CSMD1: variants seen among roughly 807,000 people sequenced by gnomAD.
The protein encoded by CSMD1 is CUB and sushi domain-containing protein 1.
Under a neutral mutation model 417.5 loss-of-function variants are expected in CSMD1, and 213 were observed. The ratio of observed to expected loss-of-function variants is 0.51; its 90% CI spans 0.46 to 0.57. The LOEUF (loss-of-function observed/expected upper bound fraction) is 0.57, where lower values mean the gene tolerates loss of function less well. CSMD1 is among the 20% of genes least tolerant of loss of function. CSMD1 has a pLI of 0.00. For synonymous variants in CSMD1, 2,862 were observed against 1,736.8 expected (o/e 1.65, Z -16.11); for missense variants, 6,923 against 4,529.7 (o/e 1.53, Z -15.17).
rs10096790 is a variant in CSMD1, at chr8:3,743,221, T to G, written c.931+10709A>C. Among the ~76,000 whole-genome samples the G allele has an allele frequency of 2.6e-5, 4 of 152,008 alleles. No homozygotes were observed. The East Asian group carries it at 7.7e-4, about 29-fold the overall frequency. ...GAATGCAGAGTGTTCTGCCCTTTTTTTGTGGTTTTATTTTGCTCAGGCATT... is the reference window on the plus strand; with the variant it reads ...GAATGCAGAGTGTTCTGCCCTTTTTGTGTGGTTTTATTTTGCTCAGGCATT... On this transcript the variant is annotated intron_variant, in intron 6 of 69. Coordinates refer to ENST00000635120, the MANE Select transcript of CSMD1 (RefSeq NM_033225.6).
Position 3,157,953 on chromosome 8 carries a change from A to T in CSMD1, c.5858T>A (p.Ile1953Asn). ...PGYTLQGRSH[I>N]SCMPGTVRRW... ...GCGAACGGTCCCTGGCATACAGGAA[A>T]TGTGGGAACGGCCCTGTTTAAAAGA... Residue 1953 changes from isoleucine to asparagine, a missense_variant, in exon 39 of 70, where the codon ATT becomes AAT. Physicochemically the swap from Ile to Asn is moderately radical, Grantham distance 149 (BLOSUM62 -3). Transcript: ENST00000635120. 6.4e-7 allele frequency: 1 copy of T among 1,554,238 alleles called. No individual in the cohort carries two copies. Among genetic ancestry groups the T allele is most frequent in the Non-Finnish European group, 8.7e-7 (1 of 1,148,374 alleles).
intron 26 of CSMD1, among the ~76,000 whole-genome samples, chr8:3,270,924 ATTTTTT>A (rs1563208713): frequency 5.9e-5 from 7 of 119,196 alleles, no homozygotes; most frequent in Admixed American, 4.3e-4. Flanking sequence ...TTTTTTTTTA[ATTTTTT>A]ATTTATTATT....
chr8:3,613,630 A>C (rs1183755032), intron 8 of CSMD1, among the ~76,000 whole-genome samples: 1 of 152,096 alleles, frequency 6.6e-6, no homozygotes, highest in Non-Finnish European at 1.5e-5. Flanking sequence ...TTCACAAAAT[A>C]TACAAACAAA....
In CSMD1 at chr8:3,854,750, A is replaced by C. The variant is rs1804177186; in HGVS notation, c.819-100708T>G. On this transcript the variant is annotated intron_variant, in intron 5 of 69. Coordinates refer to ENST00000635120, the MANE Select transcript of CSMD1 (RefSeq NM_033225.6). ...TAAGAGAAACTCCAGAGGGGGTAAA[A>C]AAGAAAAAAAAAAGATCGATTAAGA... Among the ~76,000 whole-genome samples, 6 of 126,580 alleles carry C rather than the reference A, an allele frequency of 4.7e-5. No individual in the cohort carries two copies. The South Asian group carries it at 1.5e-3, about 31-fold the overall frequency. 83.0% of individuals were successfully genotyped at this position (126,580 alleles called of 152,430 possible). A position where few individuals can be genotyped will look rare whatever the true frequency, so the allele number is the denominator to read the frequency against.
chr8:3,344,581 A>G (rs1286648997), intron 22 of CSMD1, among the ~76,000 whole-genome samples: 1 of 152,202 alleles, frequency 6.6e-6, no homozygotes, highest in Non-Finnish European at 1.5e-5. Context: ...AAAAATAAAC[A>G]TTTATTACAC....
Position 3,349,957 on chromosome 8 carries a change from T to C in CSMD1, c.3305-1796A>G, listed in dbSNP as rs187498259. On this transcript the variant is annotated intron_variant, in intron 21 of 69. Transcript: ENST00000635120. ...ATAATATATATTATATGTGTATGTG[T>C]GTTATAATACCTATAATACCTATAA... Among the ~76,000 whole-genome samples the C allele has an allele frequency of 1.6e-3, 228 of 146,256 alleles. 1 individual carries two copies. In the South Asian group the frequency reaches 0.029, roughly 19 times the overall value.
intron 3 of CSMD1, among the ~76,000 whole-genome samples, chr8:4,305,352 C>A (rs573256226): frequency 1.3e-5 from 2 of 152,198 alleles, no homozygotes; most frequent in Admixed American, 6.5e-5. Flanking sequence ...GAGACCCGAA[C>A]TGGAATCTAA....
intron 9 of CSMD1, among the ~76,000 whole-genome samples, chr8:3,577,112 T>C (rs1029226438): frequency 5.9e-5 from 9 of 152,176 alleles, no homozygotes; most frequent in African/African-American, 1.9e-4. Context: ...GCCCAGATGT[T>C]CCCAGCCGGA....
At chr8:3,319,974 C>G (rs969358694) in intron 23 of CSMD1, among the ~76,000 whole-genome samples, 7 of 152,118 alleles carry the variant, frequency 4.6e-5, no homozygotes, top group Admixed American at 3.9e-4. Flanking sequence ...AGACTTAAGT[C>G]TCTACCAGTG....
intron 2 of CSMD1, among the ~76,000 whole-genome samples, chr8:4,425,280 G>T (rs1159100557): frequency 2.0e-5 from 3 of 151,404 alleles, no homozygotes; most frequent in African/African-American, 7.3e-5. Flanking sequence ...CTGTTCAGAG[G>T]TTTGGGGTAA....
intron 50 of CSMD1, among the ~76,000 whole-genome samples, chr8:3,033,518 G>A (rs888453835): frequency 2.0e-5 from 3 of 151,948 alleles, no homozygotes; most frequent in South Asian, 2.1e-4. Context: ...CAAACACCGC[G>A]TGTTCTCATT....
At chr8:3,597,880 A>T (rs1801169208) in intron 8 of CSMD1, among the ~76,000 whole-genome samples, 1 of 152,208 alleles carries the variant, frequency 6.6e-6, no homozygotes, top group East Asian at 1.9e-4. Flanking sequence ...AGAAATACCT[A>T]ATGTAAATGA....
At chr8:4,275,172 T>C (rs923667487) in intron 3 of CSMD1, among the ~76,000 whole-genome samples, 1 of 152,184 alleles carries the variant, frequency 6.6e-6, no homozygotes, top group East Asian at 1.9e-4. Context: ...TTACATTTTC[T>C]GGGGTTTTTT....
At chr8:3,963,616 C>A (rs1017413986) in intron 5 of CSMD1, among the ~76,000 whole-genome samples, 1 of 152,146 alleles carries the variant, frequency 6.6e-6, no homozygotes, top group African/African-American at 2.4e-5. Flanking sequence ...TTTAGTAGCA[C>A]ATATGGTATA....
At chr8:4,060,608 A>G (rs1042727081) in intron 3 of CSMD1, among the ~76,000 whole-genome samples, 7 of 152,314 alleles carry the variant, frequency 4.6e-5, no homozygotes, top group African/African-American at 1.7e-4. Context: ...GAACTGTCCC[A>G]GCCACCTTAG....
At position 3,367,260 on chromosome 8, in the gene CSMD1, G is replaced by A. The variant is rs6990767; in HGVS notation, c.2900-13C>T. Reference sequence around the variant, plus strand: ...ATCATTTGAACTCCTGAGAAATGAAGCCGGGGGAGAGAGAGAGAGACAGAG... The same window carrying A: ...ATCATTTGAACTCCTGAGAAATGAAACCGGGGGAGAGAGAGAGAGACAGAG... On this transcript the variant is annotated splice_polypyrimidine_tract_variant and intron_variant, in intron 19 of 69. Transcript: ENST00000635120. 1 of 1,586,088 alleles carries A rather than the reference G, an allele frequency of 6.3e-7. No homozygotes were observed. Among genetic ancestry groups the A allele is most frequent in the Non-Finnish European group, 8.6e-7 (1 of 1,161,310 alleles).
In CSMD1 at chr8:3,359,215, T is replaced by A; in HGVS notation, c.3241A>T (p.Thr1081Ser). Reference sequence around the variant, plus strand: ...CCCCCACCCAGGCAGGTAAGCTTGGTGGCACCTTCTAAACGATATCCCAGG... The same window carrying A: ...CCCCCACCCAGGCAGGTAAGCTTGGAGGCACCTTCTAAACGATATCCCAGG... Reference protein sequence around the residue: ...CFLGYRLEGATKLTCLGGGRR... With the variant: ...CFLGYRLEGASKLTCLGGGRR... Residue 1081 changes from threonine (T) to serine (S), a missense_variant, in exon 21 of 70, where the codon ACC becomes TCC. Transcript: ENST00000635120. The A allele has an allele frequency of 6.2e-7, 1 of 1,613,936 alleles. No homozygotes were observed. The highest frequency in any genetic ancestry group is 8.5e-7 in the Non-Finnish European group (1 of 1,179,880).
At chr8:3,751,832 C>T (rs1259584670) in intron 6 of CSMD1, among the ~76,000 whole-genome samples, 1 of 152,088 alleles carries the variant, frequency 6.6e-6, no homozygotes. Flanking sequence ...AGAAATTTTT[C>T]TTTAATTCAC....
At chr8:3,548,659 T>TACATACAC (rs1554465270) in intron 10 of CSMD1, among the ~76,000 whole-genome samples, 1 of 133,002 alleles carries the variant, frequency 7.5e-6, no homozygotes, top group African/African-American at 2.9e-5. Context: ...TATTCCATCA[T>TACATACAC]ACACACACAC....
Sources: gnomAD v4.1 joint callset for allele counts (sites outside exome capture counted in the v4.1 genomes callset) on GRCh38, gnomAD v4.1.1 for gene constraint, MANE v1.5 for transcripts, NCBI Gene and HGNC (gene_info 2026-07-23, HGNC 2026-07-21) for gene names.